Variants in TLN2 observed in about 807,000 individuals in gnomAD.
The protein encoded by TLN2 is talin 2.
Under a neutral mutation model 294.7 loss-of-function variants are expected in TLN2, and 118 were observed. The observed-to-expected ratio is 0.40, with a 90% confidence interval of 0.34 to 0.47. The LOEUF (loss-of-function observed/expected upper bound fraction) is 0.47, where lower values mean the gene tolerates loss of function less well. Among genes scored for constraint, TLN2 ranks in the 20% least tolerant of loss-of-function variants. The pLI, the probability that TLN2 is intolerant of heterozygous loss-of-function variation, is 0.84. For missense variants in TLN2, 3,083 were observed against 3,282.2 expected (o/e 0.94, Z 1.48); for synonymous variants, 1,431 against 1,304.5 (o/e 1.10, Z -2.09).
chr15:62,802,165 A>T (rs958851738), intron 50 of TLN2, among the ~76,000 whole-genome samples: 1 of 147,450 alleles, frequency 6.8e-6, no homozygotes, highest in Non-Finnish European at 1.5e-5. Flanking sequence ...CTCTATCTCC[A>T]TGAGTTCAAT....
chr15:62,492,019 G>A (rs1157995360), intron 1 of TLN2, among the ~76,000 whole-genome samples: 1 of 152,096 alleles, frequency 6.6e-6, no homozygotes, highest in African/African-American at 2.4e-5. Flanking sequence ...ATATACATAT[G>A]TATTTTAATA....
chr15:62,541,688 C>A (rs2041698249), intron 1 of TLN2, among the ~76,000 whole-genome samples: 1 of 152,080 alleles, frequency 6.6e-6, no homozygotes, highest in African/African-American at 2.4e-5. Flanking sequence ...CCCCTTTATA[C>A]AGTGGGTAGC....
intron 10 of TLN2, 57 bp downstream of exon 10, chr15:62,673,947 G>A: frequency 1.4e-6 from 2 of 1,381,450 alleles, no homozygotes; most frequent in Non-Finnish European, 2.1e-6. Flanking sequence ...TCATTTATTA[G>A]TGTGAGGGGG....
chr15:62,446,656 G>A lies in TLN2; in HGVS notation c.-238+55971G>A, dbSNP rs186843867. 3.4e-3 allele frequency among the ~76,000 whole-genome samples: 403 copies of A among 118,090 alleles called. 1 individual carries two copies. Among genetic ancestry groups the A allele is most frequent in the Non-Finnish European group, 4.7e-3 (255 of 54,598 alleles). The allele number at this position is 118,090 out of a possible 152,430, so 77.5% of individuals were successfully genotyped here. A position where few individuals can be genotyped will look rare whatever the true frequency, so the allele number is the denominator to read the frequency against. ...AAAATGAATGGAACTTTACCTGATC[G>A]CTGTGATTTTAAACATTTTTTTGTA... On this transcript the variant is annotated intron_variant, in intron 1 of 58. Coordinates refer to ENST00000636159, the MANE Select transcript of TLN2 (RefSeq NM_015059.3).
At chr15:62,673,310 C>CTTTTGTTTTTTTTTT in intron 9 of TLN2, among the ~76,000 whole-genome samples, 1 of 42,852 alleles carries the variant, frequency 2.3e-5, no homozygotes, top group Non-Finnish European at 4.3e-5. Flanking sequence ...TTAGATGTTG[C>CTTTTGTTTTTTTTTT]TTTTTTTTTT....
chr15:62,705,043 AT>A (rs1489803416), intron 19 of TLN2, among the ~76,000 whole-genome samples: 1 of 152,314 alleles, frequency 6.6e-6, no homozygotes, highest in African/African-American at 2.4e-5. Context: ...GCAACCTTGT[AT>A]TTTTTAAAAG....
intron 1 of TLN2, among the ~76,000 whole-genome samples, chr15:62,422,383 G>T (rs1307996957): frequency 6.6e-6 from 1 of 152,116 alleles, no homozygotes; most frequent in African/African-American, 2.4e-5. Context: ...TAAAACTTCT[G>T]TATTCCCTAA....
At chr15:62,557,271 G>A (rs894883176) in intron 1 of TLN2, among the ~76,000 whole-genome samples, 3 of 152,186 alleles carry the variant, frequency 2.0e-5, no homozygotes, top group African/African-American at 7.2e-5. Context: ...ACCTAAGTGG[G>A]CCCTAAGAGC....
chr15:62,573,782 T>C (rs2044140816), intron 1 of TLN2, among the ~76,000 whole-genome samples: 1 of 151,442 alleles, frequency 6.6e-6, no homozygotes, highest in Non-Finnish European at 1.5e-5. Flanking sequence ...TTTCTTTTTT[T>C]TTTTTTTAAA....
intron 13 of TLN2, among the ~76,000 whole-genome samples, chr15:62,694,055 G>A (rs937504776): frequency 1.4e-5 from 2 of 141,968 alleles, no homozygotes; most frequent in East Asian, 4.2e-4. Context: ...TGCAGGCTCC[G>A]CCTCCCAGTT....
At chr15:62,781,050 CTG>C (rs1179982707) in intron 43 of TLN2, 88 bp from the exon 44 acceptor site, 2 of 957,388 alleles carry the variant, frequency 2.1e-6, no homozygotes, top group Admixed American at 4.3e-5. Context: ...GAGGCCCTCT[CTG>C]TTTTTCAAAG....
At chr15:62,647,645 C>T (rs1026125995) in intron 4 of TLN2, among the ~76,000 whole-genome samples, 199 bp downstream of exon 4, 2 of 152,212 alleles carry the variant, frequency 1.3e-5, no homozygotes, top group Non-Finnish European at 2.9e-5. Context: ...GCTGAGTCAT[C>T]ATTGTCACTG....
chr15:62,640,356 T>G (rs1409723033), intron 3 of TLN2: 1 of 456,364 alleles, frequency 2.2e-6, no homozygotes. Flanking sequence ...CGGTGGAGAG[T>G]GAGTGGCTAG....
intron 1 of TLN2, among the ~76,000 whole-genome samples, chr15:62,411,992 C>T (rs1291460117): frequency 2.0e-5 from 3 of 152,144 alleles, no homozygotes; most frequent in Admixed American, 6.5e-5. Context: ...TTACACAGCT[C>T]GCTGGGCATG....
chr15:62,513,221 C>T (rs1044357882), intron 1 of TLN2, among the ~76,000 whole-genome samples: 1 of 152,190 alleles, frequency 6.6e-6, no homozygotes, highest in Non-Finnish European at 1.5e-5. Context: ...ACAGCCCCCT[C>T]CTTACTGCTT....
intron 1 of TLN2, among the ~76,000 whole-genome samples, chr15:62,437,753 GT>G (rs2140299997): frequency 2.8e-5 from 4 of 142,112 alleles, no homozygotes; most frequent in Admixed American, 2.0e-4. Flanking sequence ...CACCATGGGG[GT>G]GTGTGTGTGT....
chr15:62,825,852 T>TATTATA (rs1567688247), intron 54 of TLN2, among the ~76,000 whole-genome samples: 15 of 89,516 alleles, frequency 1.7e-4, no homozygotes, highest in African/African-American at 8.4e-4. Context: ...TATAAATATA[T>TATTATA]TATATATATA....
chr15:62,828,509 C>T (rs1049208368), intron 54 of TLN2: 7 of 152,198 alleles, frequency 4.6e-5, no homozygotes, highest in Admixed American at 2.0e-4. Context: ...CATAAGAGTG[C>T]CTCTTGGTAA....
Position 62,735,850 on chromosome 15 carries a change from A to T in TLN2, c.3359-1028A>T, listed in dbSNP as rs2060980437. Among the ~76,000 whole-genome samples, 5 of 152,294 alleles carry T rather than the reference A, an allele frequency of 3.3e-5. No homozygotes were observed. In the South Asian group the frequency reaches 1.0e-3, roughly 32 times the overall value. The stretch of plus-strand genomic sequence containing the variant: ...CAACCCAAAAGTCCATCAACAGGAG[A>T]ATGGGTCAACAAATATTGGCATATT... On this transcript the variant is annotated intron_variant, in intron 28 of 58. Coordinates refer to ENST00000636159, the MANE Select transcript of TLN2 (RefSeq NM_015059.3).
Sources: gnomAD v4.1 joint callset for allele counts (sites outside exome capture counted in the v4.1 genomes callset) on GRCh38, gnomAD v4.1.1 for gene constraint, MANE v1.5 for transcripts, NCBI Gene and HGNC (gene_info 2026-07-23, HGNC 2026-07-21) for gene names.